Variants in CTTNBP2 observed in about 807,000 individuals in gnomAD.
CTTNBP2 encodes the protein cortactin binding protein 2, also known as cortactin-binding protein 2.
A neutral mutation model predicts 156.9 loss-of-function variants in CTTNBP2; 108 were observed. The observed-to-expected ratio is 0.69, with a 90% CI of 0.59 to 0.81. The LOEUF (loss-of-function observed/expected upper bound fraction) is 0.81. Ranked by LOEUF, CTTNBP2 falls within the 30% of genes least tolerant of loss-of-function variation. The pLI is 0.00. For synonymous variants in CTTNBP2, 767 were observed against 751.8 expected (o/e 1.02, Z -0.33); for missense variants, 1,924 against 2,035.4 (o/e 0.95, Z 1.05).
chr7:117,776,502 T>A (rs1316486250), intron 8 of CTTNBP2, among the ~76,000 whole-genome samples: 3 of 152,164 alleles, frequency 2.0e-5, no homozygotes, highest in African/African-American at 7.2e-5. Flanking sequence ...TATTTCTCAC[T>A]ACTCTCCATT....
At chr7:117,734,714 A>G (rs535337490) in intron 16 of CTTNBP2, among the ~76,000 whole-genome samples, 199 bp downstream of exon 16, 2 of 152,312 alleles carry the variant, frequency 1.3e-5, no homozygotes, top group South Asian at 4.1e-4. Context: ...CGGTAAAACT[A>G]ATTTGCTTTT....
chr7:117,858,109 G>A (rs1803454300), intron 2 of CTTNBP2, among the ~76,000 whole-genome samples: 2 of 152,140 alleles, frequency 1.3e-5, no homozygotes, highest in African/African-American at 2.4e-5. Flanking sequence ...GGTGGCTCAC[G>A]CCTGTAATCC....
At chr7:117,743,843 C>T (rs1796162962) in intron 14 of CTTNBP2, among the ~76,000 whole-genome samples, 1 of 132,170 alleles carries the variant, frequency 7.6e-6, no homozygotes, top group African/African-American at 2.9e-5. Context: ...CAATTAGTAA[C>T]ATTATCAGAA....
intron 17 of CTTNBP2, among the ~76,000 whole-genome samples, chr7:117,726,899 AC>A (rs1795122983): frequency 6.6e-6 from 1 of 152,144 alleles, no homozygotes; most frequent in Non-Finnish European, 1.5e-5. Flanking sequence ...AGCATCCTGA[AC>A]CATGGCAGGC....
chr7:117,840,175 G>A (rs190993922), intron 2 of CTTNBP2, among the ~76,000 whole-genome samples: 104 of 152,116 alleles, frequency 6.8e-4, no homozygotes, highest in African/African-American at 2.2e-3. Context: ...TGAATCCATC[G>A]GCTTTTGAAT....
chr7:117,843,616 C>A (rs145209580), intron 2 of CTTNBP2, among the ~76,000 whole-genome samples: 1 of 152,236 alleles, frequency 6.6e-6, no homozygotes, highest in African/African-American at 2.4e-5. Context: ...GATTATGCAG[C>A]CTTGAGGCCA....
Position 117,711,455 on chromosome 7 carries a change from A to T in CTTNBP2, c.*82T>A, listed in dbSNP as rs1584866953. The T allele has an allele frequency of 7.1e-7, 1 of 1,410,964 alleles. No homozygotes were observed. The highest frequency in any genetic ancestry group is 9.6e-7 in the Non-Finnish European group (1 of 1,042,114). The allele number at this position is 1,410,964 out of a possible 1,614,324, so 87.4% of individuals were successfully genotyped here. On this transcript the variant is annotated 3_prime_UTR_variant, in exon 23 of 23. Transcript: ENST00000160373. ...TATATTACAGTGAAAACATTTTATC[A>T]ATTTAAAGGTATTTGTATCTTGTTG...
At chr7:117,854,082 T>C (rs986999871) in intron 2 of CTTNBP2, among the ~76,000 whole-genome samples, 2 of 152,242 alleles carry the variant, frequency 1.3e-5, no homozygotes, top group African/African-American at 4.8e-5. Context: ...ATTTGTTCTT[T>C]CTGAAAACTG....
chr7:117,839,501 C>T (rs1353841517), intron 2 of CTTNBP2, among the ~76,000 whole-genome samples: 2 of 152,216 alleles, frequency 1.3e-5, no homozygotes, highest in Admixed American at 6.5e-5. Context: ...AACTTCAACA[C>T]ACTTGTAATG....
At chr7:117,838,964 G>GGGT (rs1422112191) in intron 2 of CTTNBP2, among the ~76,000 whole-genome samples, 1 of 82,394 alleles carries the variant, frequency 1.2e-5, no homozygotes, top group Non-Finnish European at 2.3e-5. Context: ...AACATTGCGG[G>GGGT]GGCGGGGGGG....
chr7:117,710,964 G>A lies in CTTNBP2; in HGVS notation c.*573C>T, dbSNP rs1794023155. The A allele has an allele frequency of 6.6e-6, 1 of 152,504 alleles. No individual in the cohort carries two copies. Among genetic ancestry groups the A allele is most frequent in the Admixed American group, 6.6e-5 (1 of 15,256 alleles). The allele number at this position is 152,504 out of a possible 1,614,324, so 9.4% of individuals were successfully genotyped here. On this transcript the variant is annotated 3_prime_UTR_variant, in exon 23 of 23. Coordinates refer to ENST00000160373, the MANE Select transcript of CTTNBP2 (RefSeq NM_033427.3). ...CCAAATGGCAATGTAACCACTAAGA[G>A]ATTTAAAACATAAAACTAGAATTTA...
chr7:117,786,180 T>G (rs895803232), intron 4 of CTTNBP2, among the ~76,000 whole-genome samples: 2 of 152,192 alleles, frequency 1.3e-5, no homozygotes, highest in Non-Finnish European at 2.9e-5. Flanking sequence ...ACTACACTGC[T>G]AATAAAAAGC....
At chr7:117,823,725 G>A (rs563311668) in intron 2 of CTTNBP2, among the ~76,000 whole-genome samples, 1 of 152,126 alleles carries the variant, frequency 6.6e-6, no homozygotes, top group Non-Finnish European at 1.5e-5. Flanking sequence ...TGGAGACAGG[G>A]TCTTGCTCTG....
rs770597954 is a variant in CTTNBP2 at position 117,784,404 on chromosome 7, G to C, written c.2119C>G (p.Leu707Val). Residue 707 changes from leucine (L) to valine (V), a missense_variant, in exon 5 of 23, where the codon CTG becomes GTG. Transcript: ENST00000160373. ...TGAAGAAGGGTGGGCCTGCCAGCCA[G>C]GGGGGCAGGACCACCACTCATTAGC... ...PLLMSGGPAP[L>V]AGRPTLLQQA... 2.3e-5 allele frequency: 37 copies of C among 1,612,056 alleles called. No individual in the cohort carries two copies. The highest frequency in any genetic ancestry group is 3.1e-5 in the Non-Finnish European group (37 of 1,179,272).
In CTTNBP2 at chr7:117,801,202, C is replaced by T. The variant is rs553717291; in HGVS notation, c.415-8421G>A. ...GAAAAATCATCAGTGGATTCTAAAA[C>T]TAGCAGGTGAACATTTAATGAATAA... On this transcript the variant is annotated intron_variant, in intron 3 of 22. Coordinates refer to ENST00000160373, the MANE Select transcript of CTTNBP2 (RefSeq NM_033427.3). Among the ~76,000 whole-genome samples the T allele has an allele frequency of 3.9e-5, 6 of 152,290 alleles. No individual in the cohort carries two copies. The South Asian group carries it at 1.2e-3, about 32-fold the overall frequency.
intron 17 of CTTNBP2, among the ~76,000 whole-genome samples, chr7:117,727,652 T>TG (rs1795166679): frequency 6.6e-6 from 1 of 152,242 alleles, no homozygotes; most frequent in Non-Finnish European, 1.5e-5. Context: ...TTCTATTTCA[T>TG]TAACCTTATT....
intron 2 of CTTNBP2, among the ~76,000 whole-genome samples, chr7:117,834,487 T>C (rs895356404): frequency 1.3e-5 from 2 of 152,376 alleles, no homozygotes; most frequent in Non-Finnish European, 2.9e-5. Flanking sequence ...ATCCTTTTTT[T>C]CCCTATTTAT....
intron 3 of CTTNBP2, among the ~76,000 whole-genome samples, chr7:117,797,306 A>G (rs531627056): frequency 1.3e-5 from 2 of 152,366 alleles, no homozygotes; most frequent in African/African-American, 4.8e-5. Flanking sequence ...AGGAGACAGA[A>G]TATGAATCTA....
intron 2 of CTTNBP2, among the ~76,000 whole-genome samples, chr7:117,813,468 T>A (rs528909293): frequency 6.6e-6 from 1 of 152,276 alleles, no homozygotes; most frequent in South Asian, 2.1e-4. Flanking sequence ...GCATTTGGAA[T>A]CCACCTTTTG....
Sources: gnomAD v4.1 joint callset for allele counts (sites outside exome capture counted in the v4.1 genomes callset) on GRCh38, gnomAD v4.1.1 for gene constraint, MANE v1.5 for transcripts, NCBI Gene and HGNC (gene_info 2026-07-23, HGNC 2026-07-21) for gene names.